Variants in UST observed in about 807,000 individuals in gnomAD.
The protein encoded by UST is chondroitin sulfate 2-O-sulfotransferase.
UST carries 21 observed loss-of-function variants against 45.6 expected under a neutral mutation model. The observed-to-expected ratio is 0.46, with a 90% confidence interval of 0.33 to 0.66. The LOEUF (loss-of-function observed/expected upper bound fraction) is 0.66, where lower values mean the gene tolerates loss of function less well. Among genes scored for constraint, UST ranks in the 30% least tolerant of loss-of-function variants. UST has a pLI of 0.02. For missense variants in UST, 463 were observed against 512.4 expected, an observed-to-expected ratio of 0.90 and a Z score of 0.93; for synonymous variants, 215 against 200.6, an observed-to-expected ratio of 1.07 and a Z score of -0.61.
intron 2 of UST, among the ~76,000 whole-genome samples, chr6:148,898,474 T>C (rs1312344647): frequency 1.3e-5 from 2 of 152,206 alleles, no homozygotes; most frequent in Non-Finnish European, 2.9e-5. Context: ...TACTTCGCGC[T>C]CATCACATTT....
At chr6:148,835,789 T>C (rs1236319010) in intron 1 of UST, among the ~76,000 whole-genome samples, 1 of 152,194 alleles carries the variant, frequency 6.6e-6, no homozygotes, top group Non-Finnish European at 1.5e-5. Context: ...AATACGGAAG[T>C]GTGTGGGGTA....
chr6:148,801,027 G>A (rs144035025), intron 1 of UST, among the ~76,000 whole-genome samples: 27 of 152,234 alleles, frequency 1.8e-4, no homozygotes, highest in African/African-American at 6.0e-4. Flanking sequence ...ATAGATCTTT[G>A]AAGTTAATGA....
At chr6:149,034,003 G>C (rs1253076861) in intron 7 of UST, among the ~76,000 whole-genome samples, 1 of 152,060 alleles carries the variant, frequency 6.6e-6, no homozygotes, top group Admixed American at 6.6e-5. Context: ...ACAGGCTGCT[G>C]TTTCTTGATT....
At chr6:148,988,283 C>A (rs1468511872) in intron 5 of UST, among the ~76,000 whole-genome samples, 1 of 151,960 alleles carries the variant, frequency 6.6e-6, no homozygotes, top group African/African-American at 2.4e-5. Context: ...TCCCTTTATT[C>A]AAAAAACAGG....
At chr6:148,806,139 C>T (rs971670288) in intron 1 of UST, among the ~76,000 whole-genome samples, 5 of 151,932 alleles carry the variant, frequency 3.3e-5, no homozygotes, top group South Asian at 2.1e-4. Context: ...GAAAGTAGCC[C>T]GTGCTTTACT....
intron 1 of UST, among the ~76,000 whole-genome samples, chr6:148,754,171 AT>A (rs1407359566): frequency 9.1e-4 from 137 of 151,292 alleles, no homozygotes; most frequent in Non-Finnish European, 1.1e-3. Context: ...ATTTTTTTGT[AT>A]TTTTTAGTAG....
At chr6:148,832,836 A>G (rs979501809) in intron 1 of UST, among the ~76,000 whole-genome samples, 1 of 152,210 alleles carries the variant, frequency 6.6e-6, no homozygotes, top group Non-Finnish European at 1.5e-5. Flanking sequence ...CTCCTGAAGT[A>G]TTATATTCTT....
At chr6:148,948,001 A>C (rs1780283678) in intron 3 of UST, among the ~76,000 whole-genome samples, 1 of 152,040 alleles carries the variant, frequency 6.6e-6, no homozygotes, top group African/African-American at 2.4e-5. Flanking sequence ...TTCCAGTTGC[A>C]GCCATGAGAT....
chr6:148,966,242 T>C (rs200113632), intron 5 of UST, among the ~76,000 whole-genome samples: 1 of 79,108 alleles, frequency 1.3e-5, no homozygotes, highest in Non-Finnish European at 2.4e-5. Flanking sequence ...ATAATAATAA[T>C]AATTAAATAA....
chr6:148,835,669 C>T lies in UST; in HGVS notation c.248-51317C>T, dbSNP rs536070218. Among the ~76,000 whole-genome samples, 34 of 152,294 alleles carry T rather than the reference C, an allele frequency of 2.2e-4. 1 individual carries two copies. In the South Asian group the frequency reaches 6.2e-3, roughly 28 times the overall value. ...ATTGTACCAAGCCAGGCATCCCTGG[C>T]ACTCCGGGAATACTGGCCAGTCTCC... On this transcript the variant is annotated intron_variant, in intron 1 of 7. Coordinates refer to ENST00000367463, the MANE Select transcript of UST (RefSeq NM_005715.3).
intron 2 of UST, among the ~76,000 whole-genome samples, chr6:148,930,617 C>T (rs561508230): frequency 1.9e-4 from 29 of 152,282 alleles, no homozygotes; most frequent in African/African-American, 7.0e-4. Flanking sequence ...GAAGCCCCCA[C>T]ATGCAGGCTG....
chr6:149,024,816 T>G (rs10499252), intron 7 of UST, among the ~76,000 whole-genome samples: 14,975 of 152,160 alleles, frequency 0.098, 895 homozygotes, highest in Non-Finnish European at 0.13. Context: ...AGCTAAAATC[T>G]AAGATACTGA....
chr6:148,827,831 C>T (rs761565081), intron 1 of UST, among the ~76,000 whole-genome samples: 15 of 151,498 alleles, frequency 9.9e-5, no homozygotes, highest in South Asian at 6.3e-4. Context: ...TGAACATATG[C>T]GGTTTACTAA....
chr6:148,818,511 C>G (rs1246949109), intron 1 of UST, among the ~76,000 whole-genome samples: 1 of 152,180 alleles, frequency 6.6e-6, no homozygotes, highest in Non-Finnish European at 1.5e-5. Flanking sequence ...GCTGGCAAAG[C>G]AAATTTGGTT....
chr6:148,759,489 T>TA (rs1728643155), intron 1 of UST, among the ~76,000 whole-genome samples: 1 of 150,686 alleles, frequency 6.6e-6, no homozygotes, highest in Non-Finnish European at 1.5e-5. Context: ...ATCGCACCAC[T>TA]GCACTCCAGC....
chr6:148,941,059 CAG>C (rs1374886179), intron 2 of UST, among the ~76,000 whole-genome samples: 2 of 152,096 alleles, frequency 1.3e-5, no homozygotes, highest in Non-Finnish European at 2.9e-5. Flanking sequence ...TTCATCAGTG[CAG>C]AGAGTTAAGA....
chr6:148,945,633 C>T (rs939013449), intron 3 of UST, among the ~76,000 whole-genome samples: 2 of 152,176 alleles, frequency 1.3e-5, no homozygotes, highest in East Asian at 1.9e-4. Flanking sequence ...GTAAATGTTG[C>T]GTGCCTTGTC....
At chr6:148,987,265 T>C (rs1781255258) in intron 5 of UST, among the ~76,000 whole-genome samples, 1 of 152,196 alleles carries the variant, frequency 6.6e-6, no homozygotes, top group African/African-American at 2.4e-5. Context: ...AAAATATGCA[T>C]GCTGCTTGGA....
At chr6:148,966,460 C>G (rs539443358) in intron 5 of UST, among the ~76,000 whole-genome samples, 2 of 152,060 alleles carry the variant, frequency 1.3e-5, no homozygotes, top group Admixed American at 1.3e-4. Context: ...TGATTCAATC[C>G]TCATGCTAAG....
Sources: gnomAD v4.1 joint callset for allele counts (sites outside exome capture counted in the v4.1 genomes callset) on GRCh38, gnomAD v4.1.1 for gene constraint, MANE v1.5 for transcripts, NCBI Gene and HGNC (gene_info 2026-07-23, HGNC 2026-07-21) for gene names.